NR6A1: variants seen among roughly 807,000 people sequenced by gnomAD.
The protein encoded by NR6A1 is retinoic acid receptor-related testis-associated receptor.
A neutral mutation model predicts 59.1 loss-of-function variants in NR6A1; 7 were observed. The observed-to-expected ratio is 0.12, with a 90% CI of 0.07 to 0.22. The LOEUF is 0.22. Among genes scored for constraint, NR6A1 ranks in the 10% least tolerant of loss-of-function variants. NR6A1 has a pLI of 1.00. For missense variants in NR6A1, 468 were observed against 611.6 expected, an observed-to-expected ratio of 0.77 and a Z score of 2.48; for synonymous variants, 243 against 236.1, an observed-to-expected ratio of 1.03 and a Z score of -0.27.
Position 124,738,759 on chromosome 9 carries a change from C to T in NR6A1, c.101-5410G>A, listed in dbSNP as rs12000039. ...GCGGCTCACACCTGTAATCCCAGCA[C>T]TTTGGGAGGCCAAGGCGGGAGGATC... On this transcript the variant is annotated intron_variant, in intron 1 of 9. Transcript: ENST00000487099. Among the ~76,000 whole-genome samples, 268 of 152,124 alleles carry T rather than the reference C, an allele frequency of 1.8e-3. 2 individuals carry two copies. The highest frequency in any genetic ancestry group is 6.1e-3 in the African/African-American group (253 of 41,500).
chr9:124,593,623 C>T (rs1314966398), intron 2 of NR6A1, among the ~76,000 whole-genome samples: 1 of 152,080 alleles, frequency 6.6e-6, no homozygotes, highest in Non-Finnish European at 1.5e-5. Flanking sequence ...TGAGAATATT[C>T]CCCAACGTTG....
chr9:124,673,812 A>G (rs1317715945), intron 2 of NR6A1, among the ~76,000 whole-genome samples: 1 of 152,200 alleles, frequency 6.6e-6, no homozygotes, highest in Non-Finnish European at 1.5e-5. Flanking sequence ...CCTAAAGAAG[A>G]TAAGCAAGGG....
At chr9:124,674,205 T>A (rs1193564047) in intron 2 of NR6A1, among the ~76,000 whole-genome samples, 5 of 152,148 alleles carry the variant, frequency 3.3e-5, no homozygotes, top group African/African-American at 1.2e-4. Context: ...GGAGACCAAT[T>A]CACACACCCT....
Position 124,617,715 on chromosome 9 carries a change from A to T in NR6A1, c.143-63145T>A, listed in dbSNP as rs138464125. Reference sequence around the variant, plus strand: ...ACCAACAAGGCCTCAGGATGCAGACATTAAGCCTGGGGAGTGAAGAAAAGT... The same window carrying T: ...ACCAACAAGGCCTCAGGATGCAGACTTTAAGCCTGGGGAGTGAAGAAAAGT... On this transcript the variant is annotated intron_variant, in intron 2 of 9. Coordinates refer to ENST00000487099, the MANE Select transcript of NR6A1 (RefSeq NM_033334.4). Among the ~76,000 whole-genome samples the T allele has an allele frequency of 5.5e-3, 837 of 152,286 alleles. 7 individuals carry two copies. The highest frequency in any genetic ancestry group is 0.019 in the African/African-American group (796 of 41,548).
chr9:124,565,196 T>C (rs1350065994), intron 2 of NR6A1, among the ~76,000 whole-genome samples: 1 of 152,058 alleles, frequency 6.6e-6, no homozygotes, highest in Non-Finnish European at 1.5e-5. Context: ...TGGGAGGCTC[T>C]GGCGGGCGGA....
At chr9:124,623,361 A>ATTATTATTAT (rs1554735405) in intron 2 of NR6A1, among the ~76,000 whole-genome samples, 3 of 151,400 alleles carry the variant, frequency 2.0e-5, no homozygotes, top group African/African-American at 7.3e-5. Flanking sequence ...TATTATTATT[A>ATTATTATTAT]TTATTTATTT....
At chr9:124,611,307 A>G (rs1835735924) in intron 2 of NR6A1, among the ~76,000 whole-genome samples, 2 of 152,158 alleles carry the variant, frequency 1.3e-5, no homozygotes, top group Non-Finnish European at 1.5e-5. Context: ...TTCCAGAACC[A>G]TGAGTCACGT....
intron 2 of NR6A1, among the ~76,000 whole-genome samples, chr9:124,722,773 A>C (rs1419436582): frequency 2.6e-5 from 4 of 152,174 alleles, no homozygotes; most frequent in Non-Finnish European, 5.9e-5. Flanking sequence ...GCTAGAATGC[A>C]GTGGTGCAAT....
chr9:124,661,367 T>C (rs1033788689), intron 2 of NR6A1, among the ~76,000 whole-genome samples: 3 of 152,178 alleles, frequency 2.0e-5, no homozygotes, highest in Non-Finnish European at 4.4e-5. Context: ...CAGGCCCTCA[T>C]GCTGCAACCT....
intron 2 of NR6A1, chr9:124,599,713 A>AACC: frequency 3.9e-6 from 2 of 507,874 alleles, no homozygotes; most frequent in Non-Finnish European, 2.9e-6. Context: ...AACCTTAGTT[A>AACC]ACCACCAAGA....
At chr9:124,578,237 G>A (rs567797301) in intron 2 of NR6A1, among the ~76,000 whole-genome samples, 8 of 152,218 alleles carry the variant, frequency 5.3e-5, no homozygotes, top group African/African-American at 1.7e-4. Flanking sequence ...CCATATAGTA[G>A]TAATGCCTAA....
chr9:124,748,923 A>C (rs1840415039), intron 1 of NR6A1, among the ~76,000 whole-genome samples: 1 of 151,972 alleles, frequency 6.6e-6, no homozygotes, highest in Non-Finnish European at 1.5e-5. Flanking sequence ...AAATAAATAT[A>C]AGTACTCAAA....
intron 2 of NR6A1, among the ~76,000 whole-genome samples, chr9:124,556,282 A>G (rs1355127259): frequency 6.6e-6 from 1 of 152,170 alleles, no homozygotes; most frequent in East Asian, 1.9e-4. Context: ...AGTAGAGAAG[A>G]AGAAACACAT....
intron 2 of NR6A1, among the ~76,000 whole-genome samples, chr9:124,651,936 A>C (rs1300284203): frequency 3.9e-5 from 6 of 152,238 alleles, no homozygotes; most frequent in Admixed American, 2.0e-4. Context: ...AAAGAGGCCC[A>C]AAAGCTTGAC....
intron 2 of NR6A1, among the ~76,000 whole-genome samples, chr9:124,640,096 T>C (rs1466821414): frequency 6.6e-6 from 1 of 152,142 alleles, no homozygotes; most frequent in African/African-American, 2.4e-5. Flanking sequence ...CTGAAGAACA[T>C]CCATGGCGTC....
intron 2 of NR6A1, among the ~76,000 whole-genome samples, chr9:124,655,167 T>C (rs1441036228): frequency 6.6e-6 from 1 of 152,172 alleles, no homozygotes; most frequent in Non-Finnish European, 1.5e-5. Flanking sequence ...TAATGCCCAA[T>C]GAAAGAGTAT....
intron 7 of NR6A1, among the ~76,000 whole-genome samples, chr9:124,533,582 A>G (rs1258010716): frequency 6.6e-6 from 1 of 151,824 alleles, no homozygotes; most frequent in African/African-American, 2.4e-5. Flanking sequence ...GGAGGGGGAG[A>G]TGGATCCCAG....
chr9:124,589,261 A>G (rs1835034720), intron 2 of NR6A1, among the ~76,000 whole-genome samples: 3 of 152,046 alleles, frequency 2.0e-5, no homozygotes, highest in Admixed American at 2.0e-4. Flanking sequence ...TCTGGCTAAC[A>G]CGGTGAAACC....
chr9:124,757,034 C>T (rs979199357), intron 1 of NR6A1, among the ~76,000 whole-genome samples: 3 of 151,872 alleles, frequency 2.0e-5, no homozygotes, highest in African/African-American at 7.3e-5. Flanking sequence ...CTCTCTCACC[C>T]CAAAATGATA....
Sources: allele counts gnomAD v4.1 joint callset (sites outside exome capture counted in the v4.1 genomes callset), GRCh38; gene constraint gnomAD v4.1.1; transcripts MANE v1.5; gene names NCBI Gene and HGNC (gene_info 2026-07-23, HGNC 2026-07-21).